Variants in BBX observed in about 807,000 individuals in gnomAD.
BBX encodes BBX high mobility group box domain containing, also known as HMG box transcription factor BBX.
A neutral mutation model predicts 100.2 loss-of-function variants in BBX; 30 were observed. That is an observed-to-expected ratio of 0.30 (90% CI 0.22 to 0.41). The LOEUF (loss-of-function observed/expected upper bound fraction) is 0.41, where lower values mean the gene tolerates loss of function less well. Among genes scored for constraint, BBX ranks in the 10% least tolerant of loss-of-function variants. The pLI, the probability that BBX is intolerant of heterozygous loss-of-function variation, is 1.00. For missense variants in BBX, 1,023 were observed against 1,129.8 expected, an observed-to-expected ratio of 0.91 and a Z score of 1.35; for synonymous variants, 376 against 388.1, an observed-to-expected ratio of 0.97 and a Z score of 0.37.
At chr3:107,712,676 C>A (rs1162769163) in intron 4 of BBX, among the ~76,000 whole-genome samples, 1 of 152,180 alleles carries the variant, frequency 6.6e-6, no homozygotes, top group Non-Finnish European at 1.5e-5. Context: ...CTCCCTCTCT[C>A]CCGGCCTCTG....
chr3:107,728,879 C>G lies in BBX; in HGVS notation c.520C>G (p.Pro174Ala), dbSNP rs748910171. The change falls in exon 6 of 18, where the codon CCA becomes GCA. Residue 174 changes from proline to alanine, a missense_variant. Physicochemically the swap from Pro to Ala is conservative, Grantham distance 27. This residue lies in a region of BBX where 229 missense variants were observed against 226.3 expected (regional missense o/e 1.01). Coordinates refer to ENST00000325805, the MANE Select transcript of BBX (RefSeq NM_001142568.3). Reference protein sequence around the residue: ...VNPRKKLWAFPSDSSRDLPSP... With the variant: ...VNPRKKLWAFASDSSRDLPSP... ...TCCACGAAAGAAACTTTGGGCCTTC[C>G]CATCTGACTCTTCAAGAGACTTGCC... 1 of 1,613,924 alleles carries G rather than the reference C, an allele frequency of 6.2e-7. No individual in the cohort carries two copies. The highest frequency in any genetic ancestry group is 1.1e-5 in the South Asian group (1 of 91,078).
At position 107,544,985 on chromosome 3, in the gene BBX, G is replaced by A. The variant is rs181080478; in HGVS notation, c.-84+18587G>A. ...TGAGCCGAGATCCGCCATTGTACTC[G>A]AGCCTGGGCAACAGAGCGAGACTCC... On this transcript the variant is annotated intron_variant, in intron 2 of 17. Coordinates refer to ENST00000325805, the MANE Select transcript of BBX (RefSeq NM_001142568.3). Among the ~76,000 whole-genome samples, 486 of 151,594 alleles carry A rather than the reference G, an allele frequency of 3.2e-3. 1 individual carries two copies. The highest frequency in any genetic ancestry group is 0.011 in the African/African-American group (470 of 41,358).
At chr3:107,783,647 C>T (rs527557405) in intron 13 of BBX, among the ~76,000 whole-genome samples, 3 of 152,036 alleles carry the variant, frequency 2.0e-5, no homozygotes, top group East Asian at 3.9e-4. Context: ...CTTTCTCCTA[C>T]GTTGGTTTTC....
At chr3:107,672,443 G>C (rs2059068888) in intron 3 of BBX, among the ~76,000 whole-genome samples, 2 of 152,012 alleles carry the variant, frequency 1.3e-5, no homozygotes, top group Non-Finnish European at 2.9e-5. Context: ...TTCATGAAAA[G>C]AACCTATGTT....
At chr3:107,610,467 GTCTC>G (rs1160301170) in intron 2 of BBX, among the ~76,000 whole-genome samples, 2 of 151,852 alleles carry the variant, frequency 1.3e-5, no homozygotes, top group Non-Finnish European at 2.9e-5. Context: ...TCTTATTGGG[GTCTC>G]TCTCTCTTTC....
At chr3:107,763,932 T>C (rs1025679765) in intron 10 of BBX, among the ~76,000 whole-genome samples, 1 of 152,156 alleles carries the variant, frequency 6.6e-6, no homozygotes, top group Non-Finnish European at 1.5e-5. Context: ...CTAAGGACAG[T>C]ATGATTGCTG....
At chr3:107,660,005 C>T (rs1320389863) in intron 3 of BBX, among the ~76,000 whole-genome samples, 2 of 152,070 alleles carry the variant, frequency 1.3e-5, no homozygotes, top group Non-Finnish European at 2.9e-5. Flanking sequence ...AGTGAGTTTT[C>T]TAATGATGAC....
chr3:107,531,972 T>A (rs2048190324), intron 2 of BBX, among the ~76,000 whole-genome samples: 1 of 152,050 alleles, frequency 6.6e-6, no homozygotes, highest in Non-Finnish European at 1.5e-5. Flanking sequence ...GAAGGAGGAT[T>A]GCTTGAGCTT....
intron 3 of BBX, among the ~76,000 whole-genome samples, chr3:107,679,481 A>G (rs1379095492): frequency 6.6e-6 from 1 of 152,084 alleles, no homozygotes; most frequent in Non-Finnish European, 1.5e-5. Flanking sequence ...CCATTGATCT[A>G]ATGAACATTT....
intron 3 of BBX, among the ~76,000 whole-genome samples, chr3:107,681,368 A>G (rs1559961181): frequency 6.6e-6 from 1 of 152,244 alleles, no homozygotes; most frequent in East Asian, 1.9e-4. Context: ...ATTCAAATTT[A>G]TATAGTGCAG....
intron 2 of BBX, among the ~76,000 whole-genome samples, chr3:107,605,395 GA>G (rs1262940889): frequency 6.6e-6 from 1 of 151,244 alleles, no homozygotes; most frequent in African/African-American, 2.4e-5. Flanking sequence ...TTGGGGGGGG[GA>G]TTTAATATTA....
chr3:107,755,400 CT>C (rs1176075744), intron 9 of BBX, among the ~76,000 whole-genome samples, 197 bp from the exon 10 acceptor site: 1 of 152,142 alleles, frequency 6.6e-6, no homozygotes, highest in Admixed American at 6.5e-5. Flanking sequence ...GCCATACCTA[CT>C]TTTGTTATTA....
intron 2 of BBX, among the ~76,000 whole-genome samples, chr3:107,613,848 T>C (rs2055035471): frequency 6.6e-6 from 1 of 152,094 alleles, no homozygotes; most frequent in African/African-American, 2.4e-5. Context: ...TTTTCCCTTG[T>C]TGTTTTTATT....
chr3:107,674,567 G>C (rs1217378762), intron 3 of BBX, among the ~76,000 whole-genome samples: 1 of 152,138 alleles, frequency 6.6e-6, no homozygotes, highest in Non-Finnish European at 1.5e-5. Flanking sequence ...GCGTAGAATT[G>C]CTTTGACTCA....
intron 2 of BBX, among the ~76,000 whole-genome samples, chr3:107,584,403 G>A (rs2052657767): frequency 6.7e-6 from 1 of 148,824 alleles, no homozygotes; most frequent in South Asian, 2.1e-4. Flanking sequence ...AATAGTAGTT[G>A]TCAATTTAGT....
intron 13 of BBX, among the ~76,000 whole-genome samples, chr3:107,788,908 G>C (rs1205346562): frequency 6.6e-6 from 1 of 152,214 alleles, no homozygotes; most frequent in Admixed American, 6.5e-5. Context: ...AGGGAAGTTA[G>C]GTTAGGAGCC....
At chr3:107,748,578 G>A (rs557340993) in intron 9 of BBX, among the ~76,000 whole-genome samples, 2 of 152,242 alleles carry the variant, frequency 1.3e-5, no homozygotes, top group Admixed American at 6.5e-5. Flanking sequence ...TTTGTCAGCC[G>A]AAGAGAGCAC....
At chr3:107,780,454 A>G (rs966067619) in intron 13 of BBX, among the ~76,000 whole-genome samples, 4 of 152,018 alleles carry the variant, frequency 2.6e-5, no homozygotes, top group Non-Finnish European at 4.4e-5. Context: ...TTTCTCTCCC[A>G]GCTGAGATTA....
chr3:107,769,208 A>G (rs946562090), intron 10 of BBX, among the ~76,000 whole-genome samples: 1 of 140,622 alleles, frequency 7.1e-6, no homozygotes, highest in South Asian at 2.3e-4. Flanking sequence ...ATAGATAGAT[A>G]GATAGATAGA....
Sources: gnomAD v4.1 joint callset for allele counts (sites outside exome capture counted in the v4.1 genomes callset) on GRCh38, gnomAD v4.1.1 for gene constraint, gnomAD v4.1.1 regional missense constraint, MANE v1.5 for transcripts, NCBI Gene and HGNC (gene_info 2026-07-23, HGNC 2026-07-21) for gene names.